The following TSPEAR variants were observed in gnomAD, a reference collection of about 807,000 sequenced individuals.
TSPEAR encodes the protein thrombospondin-type laminin G domain and EAR repeat-containing protein.
A neutral mutation model predicts 71.6 loss-of-function variants in TSPEAR; 69 were observed. The ratio of observed to expected loss-of-function variants is 0.96; its 90% CI spans 0.79 to 1.18. The LOEUF (loss-of-function observed/expected upper bound fraction) is 1.18. TSPEAR is among the 50% of genes most tolerant of loss of function. The pLI is 0.00. For synonymous variants in TSPEAR, 402 were observed against 387.2 expected (o/e 1.04, Z -0.45); for missense variants, 971 against 894.9 (o/e 1.09, Z -1.09).
intron 9 of TSPEAR, among the ~76,000 whole-genome samples, chr21:44,514,384 G>A (rs992744561): frequency 2.0e-5 from 3 of 151,098 alleles, no homozygotes; most frequent in African/African-American, 4.9e-5. Flanking sequence ...GTGTGCATGA[G>A]TGTGCATGTA....
At chr21:44,590,124 G>T (rs1211001339) in intron 1 of TSPEAR, among the ~76,000 whole-genome samples, 3 of 152,262 alleles carry the variant, frequency 2.0e-5, no homozygotes, top group African/African-American at 7.2e-5. Flanking sequence ...GCTCCATGGG[G>T]TGGGACTCCG....
Position 44,527,498 on chromosome 21 carries a change from C to A in TSPEAR, c.943G>T (p.Val315Leu). Reference sequence around the variant, plus strand: ...GTGGACAAGTTCTGATGCTCCTCCACGTAGTCCAGTCTTTCTTTGGCTTGT... The same window carrying A: ...GTGGACAAGTTCTGATGCTCCTCCAAGTAGTCCAGTCTTTCTTTGGCTTGT... ...VLAAKERLDY[V>L]EEHQNLSTNS... The change falls in exon 7 of 12, where the codon GTG (valine) becomes TTG (leucine). Residue 315 changes from valine (V) to leucine (L), a missense_variant. Physicochemically the swap from Val to Leu is conservative, Grantham distance 32. Coordinates refer to ENST00000323084, the MANE Select transcript of TSPEAR (RefSeq NM_144991.3). 1 of 1,614,196 alleles carries A rather than the reference C, an allele frequency of 6.2e-7. No individual in the cohort carries two copies. Among genetic ancestry groups the A allele is most frequent in the Non-Finnish European group, 8.5e-7 (1 of 1,180,026 alleles).
At chr21:44,709,312 G>A (rs1988097491) in intron 1 of TSPEAR, among the ~76,000 whole-genome samples, 1 of 152,242 alleles carries the variant, frequency 6.6e-6, no homozygotes, top group Non-Finnish European at 1.5e-5. Flanking sequence ...AGAATCGGAA[G>A]GGTCCCTGCA....
intron 9 of TSPEAR, among the ~76,000 whole-genome samples, chr21:44,515,276 G>C (rs146419326): frequency 6.6e-6 from 1 of 152,252 alleles, no homozygotes; most frequent in Non-Finnish European, 1.5e-5. Flanking sequence ...GAAAGATGAG[G>C]CTCAGGCCAG....
chr21:44,561,387 A>G (rs1422598194), intron 2 of TSPEAR, among the ~76,000 whole-genome samples: 8 of 152,190 alleles, frequency 5.3e-5, no homozygotes, highest in African/African-American at 1.7e-4. Flanking sequence ...ATTCACAGCC[A>G]AATTCTACCA....
rs118109556 is a variant in TSPEAR, at chr21:44,668,090, C to G, written c.82+43343G>C. ...AAGAAAGAAAGAAACAAAAAGCATC[C>G]AAATTGAAAAGCAAGAAGTAAAGTT... On this transcript the variant is annotated intron_variant, in intron 1 of 11. Coordinates refer to ENST00000323084, the MANE Select transcript of TSPEAR (RefSeq NM_144991.3). Among the ~76,000 whole-genome samples, 376 of 152,216 alleles carry G rather than the reference C, an allele frequency of 2.5e-3. 3 individuals are homozygous for G. In the East Asian group the frequency reaches 0.053, roughly 21 times the overall value.
intron 1 of TSPEAR, among the ~76,000 whole-genome samples, chr21:44,644,621 G>C (rs1984201194): frequency 6.6e-6 from 1 of 152,068 alleles, no homozygotes; most frequent in African/African-American, 2.4e-5. Flanking sequence ...AAAACTGAAT[G>C]AACTGCCACC....
chr21:44,502,851 T>TG (rs1569147223), intron 11 of TSPEAR, among the ~76,000 whole-genome samples: 1 of 75,712 alleles, frequency 1.3e-5, no homozygotes, highest in African/African-American at 5.2e-5. Flanking sequence ...GGTGAGCCCT[T>TG]GGGGGGAAGC....
intron 9 of TSPEAR, chr21:44,518,279 C>T (rs782029928): frequency 1.9e-5 from 9 of 467,996 alleles, no homozygotes; most frequent in Non-Finnish European, 3.1e-5. Flanking sequence ...TTTTGTCAAA[C>T]ATCCGGGGAC....
At chr21:44,521,340 C>T (rs1555914231) in intron 9 of TSPEAR, among the ~76,000 whole-genome samples, 1 of 152,172 alleles carries the variant, frequency 6.6e-6, no homozygotes, top group Non-Finnish European at 1.5e-5. Context: ...CTGGAGGTGG[C>T]CTAATAAGCA....
chr21:44,504,166 G>C (rs1470722865), intron 11 of TSPEAR, among the ~76,000 whole-genome samples: 1 of 145,732 alleles, frequency 6.9e-6, no homozygotes, highest in Non-Finnish European at 1.5e-5. Flanking sequence ...AAGTCTCTTG[G>C]AGGAGGCCGG....
intron 10 of TSPEAR, among the ~76,000 whole-genome samples, chr21:44,507,783 C>T (rs1313990403): frequency 1.1e-4 from 16 of 152,312 alleles, no homozygotes; most frequent in Admixed American, 3.3e-4. Flanking sequence ...TTGTTCTCGG[C>T]GTTGACATTG....
At chr21:44,502,343 T>A (rs1446811507) in intron 11 of TSPEAR, among the ~76,000 whole-genome samples, 1 of 152,116 alleles carries the variant, frequency 6.6e-6, no homozygotes, top group African/African-American at 2.4e-5. Flanking sequence ...ACACTAGAAA[T>A]CAAGGGGAAA....
At chr21:44,679,132 C>T (rs782373986) in intron 1 of TSPEAR, among the ~76,000 whole-genome samples, 2 of 152,112 alleles carry the variant, frequency 1.3e-5, no homozygotes, top group Non-Finnish European at 2.9e-5. Context: ...ACCAGCTTAT[C>T]TTACCACCAC....
At chr21:44,700,072 C>G (rs1601580706) in intron 1 of TSPEAR, among the ~76,000 whole-genome samples, 1 of 152,276 alleles carries the variant, frequency 6.6e-6, no homozygotes, top group East Asian at 1.9e-4. Context: ...TAAGAGCATC[C>G]TAGGAGACGC....
At chr21:44,646,154 A>T (rs1168420038) in intron 1 of TSPEAR, among the ~76,000 whole-genome samples, 21 of 146,650 alleles carry the variant, frequency 1.4e-4, no homozygotes, top group Non-Finnish European at 2.7e-4. Flanking sequence ...AAAAAAAAAA[A>T]GGAAATATTT....
chr21:44,664,626 A>C (rs1458448956), intron 1 of TSPEAR, among the ~76,000 whole-genome samples: 4 of 152,208 alleles, frequency 2.6e-5, no homozygotes, highest in African/African-American at 9.7e-5. Flanking sequence ...AAGAAGAACA[A>C]AATTGGAGAA....
At chr21:44,586,591 CA>C (rs1197766915) in intron 1 of TSPEAR, among the ~76,000 whole-genome samples, 4 of 152,028 alleles carry the variant, frequency 2.6e-5, no homozygotes, top group Admixed American at 2.6e-4. Flanking sequence ...TTCCTCCCTC[CA>C]AAAAAATCAC....
At chr21:44,591,705 G>A (rs1555926611) in intron 1 of TSPEAR, 1 of 1,577,512 alleles carries the variant, frequency 6.3e-7, no homozygotes, top group Non-Finnish European at 8.7e-7. Flanking sequence ...AGGAGGTGCA[G>A]CAAGCTGGCT....
Sources: allele counts gnomAD v4.1 joint callset (sites outside exome capture counted in the v4.1 genomes callset), GRCh38; gene constraint gnomAD v4.1.1; transcripts MANE v1.5; gene names NCBI Gene and HGNC (gene_info 2026-07-23, HGNC 2026-07-21).